The following DNAJC1 variants were observed in gnomAD, a reference collection of about 807,000 sequenced individuals.
The protein encoded by DNAJC1 is DnaJ heat shock protein family (Hsp40) member C1, also known as dnaJ homolog subfamily C member 1.
In DNAJC1, 58 loss-of-function variants were observed where a neutral mutation model predicts 76.6. That is an observed-to-expected ratio of 0.76 (90% CI 0.61 to 0.94). DNAJC1 has a LOEUF of 0.94. DNAJC1 is among the 40% of genes least tolerant of loss of function. The probability of loss-of-function intolerance (pLI) is 0.00; values close to 1 mark genes in which losing one functional copy is unlikely to be tolerated. For missense variants in DNAJC1, 689 were observed against 677.3 expected (o/e 1.02, Z -0.19); for synonymous variants, 258 against 267.9 (o/e 0.96, Z 0.36).
chr10:21,895,875 T>C (rs1342023906), intron 7 of DNAJC1, among the ~76,000 whole-genome samples: 4 of 152,184 alleles, frequency 2.6e-5, no homozygotes, highest in Non-Finnish European at 5.9e-5. Context: ...TCAGGATGTC[T>C]TGTTTCTTTC....
At chr10:21,932,389 T>C (rs1211689700) in intron 1 of DNAJC1, among the ~76,000 whole-genome samples, 1 of 152,018 alleles carries the variant, frequency 6.6e-6, no homozygotes, top group African/African-American at 2.4e-5. Flanking sequence ...CTTATCAAAA[T>C]GGAAACAATG....
intron 10 of DNAJC1, among the ~76,000 whole-genome samples, chr10:21,764,904 T>A (rs1457500260): frequency 2.0e-5 from 3 of 152,174 alleles, no homozygotes; most frequent in African/African-American, 7.2e-5. Context: ...CAAAGCTGCT[T>A]CTGGTGCCTT....
At chr10:21,813,150 GTCTC>G (rs1179588600) in intron 8 of DNAJC1, among the ~76,000 whole-genome samples, 4 of 66,132 alleles carry the variant, frequency 6.0e-5, no homozygotes, top group Non-Finnish European at 8.5e-5. Flanking sequence ...TGGGTTACTT[GTCTC>G]TCTCTCTCTC....
At chr10:21,875,990 A>G (rs1669956887) in intron 8 of DNAJC1, among the ~76,000 whole-genome samples, 1 of 152,194 alleles carries the variant, frequency 6.6e-6, no homozygotes, top group Admixed American at 6.5e-5. Flanking sequence ...TATACTAAAT[A>G]TAATTAGAAA....
At chr10:21,862,894 A>C (rs1414083761) in intron 8 of DNAJC1, among the ~76,000 whole-genome samples, 4 of 152,082 alleles carry the variant, frequency 2.6e-5, no homozygotes, top group African/African-American at 9.7e-5. Context: ...GTACTTTGGG[A>C]GGCCAAGGTA....
intron 11 of DNAJC1, among the ~76,000 whole-genome samples, chr10:21,757,879 C>T (rs1834194379): frequency 6.6e-6 from 1 of 152,130 alleles, no homozygotes; most frequent in South Asian, 2.1e-4. Flanking sequence ...GGTTTCCAGC[C>T]CCCCAGGTAT....
intron 7 of DNAJC1, among the ~76,000 whole-genome samples, chr10:21,891,476 C>CAAAAA (rs369729722): frequency 0.029 from 1,069 of 37,142 alleles, no homozygotes; most frequent in Non-Finnish European, 0.036. Flanking sequence ...ACAAAGTAGA[C>CAAAAA]AAAAAAAAAA....
intron 1 of DNAJC1, 152 bp from the exon 2 acceptor site, chr10:21,929,293 C>G: frequency 1.7e-6 from 1 of 579,794 alleles, no homozygotes; most frequent in Non-Finnish European, 3.0e-6. Flanking sequence ...CCAGGCTATG[C>G]AACAAGCCTG....
chr10:21,767,517 G>C (rs1834315689), intron 9 of DNAJC1, among the ~76,000 whole-genome samples: 1 of 152,098 alleles, frequency 6.6e-6, no homozygotes, highest in Non-Finnish European at 1.5e-5. Flanking sequence ...GTAACTCCTA[G>C]GCTCAAATGA....
intron 9 of DNAJC1, among the ~76,000 whole-genome samples, chr10:21,805,307 T>C (rs1040133873): frequency 6.6e-6 from 1 of 152,136 alleles, no homozygotes; most frequent in Non-Finnish European, 1.5e-5. Flanking sequence ...GTATTTAGTA[T>C]ATTACACATC....
intron 8 of DNAJC1, among the ~76,000 whole-genome samples, chr10:21,808,011 G>C (rs1834907884): frequency 6.6e-6 from 1 of 152,048 alleles, no homozygotes; most frequent in Non-Finnish European, 1.5e-5. Flanking sequence ...AGACCAATCG[G>C]TTTCAGAAAT....
At chr10:21,837,559 C>T (rs989882294) in intron 8 of DNAJC1, among the ~76,000 whole-genome samples, 27 of 151,750 alleles carry the variant, frequency 1.8e-4, no homozygotes, top group Non-Finnish European at 2.7e-4. Flanking sequence ...TCTGCCTGGC[C>T]GCGACCCCAT....
chr10:21,995,632 T>G (rs1838403449), intron 1 of DNAJC1, among the ~76,000 whole-genome samples: 1 of 152,238 alleles, frequency 6.6e-6, no homozygotes. Flanking sequence ...GCTTAATGCC[T>G]ACTGCCTCAG....
intron 6 of DNAJC1, among the ~76,000 whole-genome samples, chr10:21,909,495 C>T (rs76069114): frequency 0.033 from 5,055 of 152,260 alleles, 143 homozygotes; most frequent in Middle Eastern, 0.065. Flanking sequence ...AGAATATAAG[C>T]TCTGTGAGAA....
At chr10:21,804,043 T>A in intron 9 of DNAJC1, 1 of 815,830 alleles carries the variant, frequency 1.2e-6, no homozygotes, top group Non-Finnish European at 1.5e-6. Context: ...AAAAGATGCT[T>A]TTGACAGCAC....
chr10:21,800,756 TTGTTTATACAA>T (rs1228597013), intron 9 of DNAJC1, among the ~76,000 whole-genome samples: 1 of 152,236 alleles, frequency 6.6e-6, no homozygotes, highest in Non-Finnish European at 1.5e-5. Context: ...CGTTTATACA[TTGTTTATACAA>T]TGTTACACAG....
chr10:21,773,839 G>A (rs957897411), intron 9 of DNAJC1, among the ~76,000 whole-genome samples: 1 of 150,996 alleles, frequency 6.6e-6, no homozygotes, highest in Non-Finnish European at 1.5e-5. Flanking sequence ...ATTACTAGAG[G>A]ACACATAAAG....
chr10:21,960,871 G>A (rs568961396), intron 1 of DNAJC1, among the ~76,000 whole-genome samples: 4 of 152,232 alleles, frequency 2.6e-5, no homozygotes, highest in East Asian at 1.9e-4. Flanking sequence ...AAACCTGCAC[G>A]TTCTGCACAT....
intron 11 of DNAJC1, 80 bp downstream of exon 11, chr10:21,759,090 A>G: frequency 7.2e-7 from 1 of 1,391,574 alleles, no homozygotes; most frequent in South Asian, 1.4e-5. Context: ...GAATGAGGGA[A>G]GAAGCTGCAG....
Sources: gnomAD v4.1 joint callset for allele counts (sites outside exome capture counted in the v4.1 genomes callset) on GRCh38, gnomAD v4.1.1 for gene constraint, MANE v1.5 for transcripts, NCBI Gene and HGNC (gene_info 2026-07-23, HGNC 2026-07-21) for gene names.